Variants in MAPKAPK2 observed in about 807,000 individuals in gnomAD.
The protein encoded by MAPKAPK2 is MAP kinase-activated protein kinase 2.
A neutral mutation model predicts 48.8 loss-of-function variants in MAPKAPK2; 9 were observed. The ratio of observed to expected loss-of-function variants is 0.18; its 90% CI spans 0.11 to 0.32. The LOEUF (loss-of-function observed/expected upper bound fraction) is 0.32. MAPKAPK2 is among the 10% of genes least tolerant of loss of function. MAPKAPK2 has a pLI of 1.00. For synonymous variants in MAPKAPK2, 202 were observed against 190.6 expected, an observed-to-expected ratio of 1.06 and a Z score of -0.49; for missense variants, 331 against 498.3, an observed-to-expected ratio of 0.66 and a Z score of 3.20.
chr1:206,712,028 C>G (rs1369695498), intron 1 of MAPKAPK2, among the ~76,000 whole-genome samples: 2 of 152,096 alleles, frequency 1.3e-5, no homozygotes, highest in Non-Finnish European at 2.9e-5. Flanking sequence ...TCCATTTAAT[C>G]GATGAGTTCA....
chr1:206,701,496 G>C (rs1487220323), intron 1 of MAPKAPK2, among the ~76,000 whole-genome samples: 1 of 152,082 alleles, frequency 6.6e-6, no homozygotes, highest in African/African-American at 2.4e-5. Context: ...CCAGGTGAGA[G>C]GGCAAGTAGA....
chr1:206,697,315 C>T (rs528427567), intron 1 of MAPKAPK2, among the ~76,000 whole-genome samples: 6 of 152,250 alleles, frequency 3.9e-5, no homozygotes, highest in African/African-American at 1.4e-4. Flanking sequence ...GCAAGAGGGA[C>T]GAGTGTTAAA....
chr1:206,698,532 C>T (rs1390276904), intron 1 of MAPKAPK2, among the ~76,000 whole-genome samples: 2 of 152,202 alleles, frequency 1.3e-5, no homozygotes, highest in Non-Finnish European at 2.9e-5. Context: ...TAACAAATTT[C>T]TATTATTCAG....
At chr1:206,700,445 T>A (rs1553427744) in intron 1 of MAPKAPK2, among the ~76,000 whole-genome samples, 2 of 152,214 alleles carry the variant, frequency 1.3e-5, no homozygotes, top group African/African-American at 4.8e-5. Context: ...GCTGAGGGAA[T>A]ACTTACTTCT....
chr1:206,726,277 C>T (rs782179472), intron 1 of MAPKAPK2, among the ~76,000 whole-genome samples: 3 of 152,220 alleles, frequency 2.0e-5, no homozygotes, highest in Non-Finnish European at 4.4e-5. Flanking sequence ...ATCCCAGCTA[C>T]TCAGGAGGCT....
At chr1:206,687,513 A>T (rs782484489) in intron 1 of MAPKAPK2, among the ~76,000 whole-genome samples, 1 of 152,220 alleles carries the variant, frequency 6.6e-6, no homozygotes, top group African/African-American at 2.4e-5. Context: ...TTTCCCACAC[A>T]CGTCTTTGTG....
intron 1 of MAPKAPK2, among the ~76,000 whole-genome samples, chr1:206,713,456 T>C (rs1037854893): frequency 6.6e-6 from 1 of 152,216 alleles, no homozygotes; most frequent in Non-Finnish European, 1.5e-5. Flanking sequence ...GATTTTATCA[T>C]GTCAGCCAGT....
chr1:206,695,966 G>C, intron 1 of MAPKAPK2: 1 of 720,764 alleles, frequency 1.4e-6, no homozygotes, highest in Non-Finnish European at 2.6e-6. Context: ...CAGGGGTCTT[G>C]GTTCTACTTC....
intron 5 of MAPKAPK2, among the ~76,000 whole-genome samples, chr1:206,730,372 G>A (rs1553432469): frequency 6.6e-6 from 1 of 152,262 alleles, no homozygotes; most frequent in East Asian, 1.9e-4. Flanking sequence ...TTGTTCTGGA[G>A]CCACAGCTGA....
intron 1 of MAPKAPK2, among the ~76,000 whole-genome samples, chr1:206,720,602 G>T (rs1430481973): frequency 6.6e-6 from 1 of 152,078 alleles, no homozygotes; most frequent in Non-Finnish European, 1.5e-5. Flanking sequence ...CAAGTAATCT[G>T]CCCCCCTTGG....
Position 206,732,175 on chromosome 1 carries a change from G to A in MAPKAPK2, c.1059+256G>A. Reference sequence around the variant, plus strand: ...CCTGGGTCTCTAATGGGACCTTAAAGACCATCTGGTATCATCTTCTCATTT... The same window carrying A: ...CCTGGGTCTCTAATGGGACCTTAAAAACCATCTGGTATCATCTTCTCATTT... On this transcript the variant is annotated intron_variant, in intron 9 of 9. Transcript: ENST00000367103. This position sits in a 1 kb window ranked among gnomAD's most constrained non-coding sequence, Gnocchi z 4.4. The A allele has an allele frequency of 6.2e-7, 1 of 1,605,270 alleles. No individual in the cohort carries two copies. The highest frequency in any genetic ancestry group is 8.5e-7 in the Non-Finnish European group (1 of 1,173,156).
chr1:206,694,630 G>A lies in MAPKAPK2; in HGVS notation c.279+9122G>A, dbSNP rs147834015. ...GCTAGCTTCTCTAAGTGAGGAATCT[G>A]CAGGTTGCTCGTCATGCTTGGCTTC... is the stretch of plus-strand genomic sequence containing the variant. On this transcript the variant is annotated intron_variant, in intron 1 of 9. Coordinates refer to ENST00000367103, the MANE Select transcript of MAPKAPK2 (RefSeq NM_032960.4). Among the ~76,000 whole-genome samples the A allele has an allele frequency of 6.7e-3, 1,020 of 152,334 alleles. 8 individuals are homozygous for A. The highest frequency in any genetic ancestry group is 0.017 in the Middle Eastern group (5 of 294).
intron 1 of MAPKAPK2, among the ~76,000 whole-genome samples, chr1:206,689,908 G>A (rs57653583): frequency 0.04 from 6,163 of 152,272 alleles, 275 homozygotes; most frequent in African/African-American, 0.11. Context: ...GCTAAATCGT[G>A]TGGCTGGGAA....
chr1:206,723,798 G>A (rs1673618854), intron 1 of MAPKAPK2, among the ~76,000 whole-genome samples: 1 of 152,224 alleles, frequency 6.6e-6, no homozygotes, highest in South Asian at 2.1e-4. Context: ...AGAGAGGCAT[G>A]GGACTGTATT....
intron 1 of MAPKAPK2, among the ~76,000 whole-genome samples, chr1:206,714,198 T>G (rs1473308149): frequency 6.6e-6 from 1 of 152,166 alleles, no homozygotes; most frequent in Non-Finnish European, 1.5e-5. Flanking sequence ...TCTAAATGCT[T>G]TGTCATCTCA....
At position 206,731,786 on chromosome 1, in the gene MAPKAPK2, T is replaced by C; in HGVS notation, c.979-53T>C. On this transcript the variant is annotated intron_variant, in intron 8 of 9. Transcript: ENST00000367103. This position sits in a 1 kb window ranked among gnomAD's most constrained non-coding sequence, Gnocchi z 5.9. ...GGGACTATTCCACAGGACAGAGTCT[T>C]AGCCAGGACCCTACCCCAGGCTTTC... 1 of 1,609,892 alleles carries C rather than the reference T, an allele frequency of 6.2e-7. No individual in the cohort carries two copies. Among genetic ancestry groups the C allele is most frequent in the South Asian group, 1.1e-5 (1 of 90,972 alleles).
At chr1:206,688,080 A>G (rs1672340103) in intron 1 of MAPKAPK2, among the ~76,000 whole-genome samples, 1 of 152,166 alleles carries the variant, frequency 6.6e-6, no homozygotes, top group Non-Finnish European at 1.5e-5. Context: ...CCTCCACCTC[A>G]GAGAGCTCCC....
intron 1 of MAPKAPK2, among the ~76,000 whole-genome samples, chr1:206,699,096 C>A (rs1672717574): frequency 1.3e-5 from 2 of 152,212 alleles, no homozygotes; most frequent in South Asian, 4.1e-4. Flanking sequence ...TGGAAACATA[C>A]AGTTTAGAGG....
intron 1 of MAPKAPK2, among the ~76,000 whole-genome samples, chr1:206,724,992 A>T (rs1673660196): frequency 8.2e-6 from 1 of 122,504 alleles, no homozygotes; most frequent in African/African-American, 2.6e-5. Flanking sequence ...AGATGAGGAA[A>T]CCCTTTCCAG....
Sources: gnomAD v4.1 joint callset for allele counts (sites outside exome capture counted in the v4.1 genomes callset) on GRCh38, gnomAD v4.1.1 for gene constraint, Gnocchi (gnomAD v3.1) non-coding constraint, MANE v1.5 for transcripts, NCBI Gene and HGNC (gene_info 2026-07-23, HGNC 2026-07-21) for gene names.